The following FOXP1 variants were observed in gnomAD, a reference collection of about 807,000 sequenced individuals.
FOXP1 encodes forkhead box protein P1.
A neutral mutation model predicts 98.2 loss-of-function variants in FOXP1; 15 were observed. That is an observed-to-expected ratio of 0.15 (90% CI 0.10 to 0.24). FOXP1 has a LOEUF of 0.24. Ranked by LOEUF, FOXP1 falls within the 10% of genes least tolerant of loss-of-function variation. The probability of loss-of-function intolerance (pLI) is 1.00; values close to 1 mark genes in which losing one functional copy is unlikely to be tolerated. For missense variants in FOXP1, 633 were observed against 848.5 expected (o/e 0.75, Z 3.15); for synonymous variants, 371 against 314.5 (o/e 1.18, Z -1.90).
chr3:71,309,061 A>G (rs1018947742), intron 4 of FOXP1, among the ~76,000 whole-genome samples: 1 of 152,142 alleles, frequency 6.6e-6, no homozygotes, highest in Non-Finnish European at 1.5e-5. Flanking sequence ...CTTGCTGATA[A>G]AACACAAGAG....
At chr3:71,291,463 C>T (rs1292664973) in intron 5 of FOXP1, among the ~76,000 whole-genome samples, 1 of 152,156 alleles carries the variant, frequency 6.6e-6, no homozygotes, top group African/African-American at 2.4e-5. Flanking sequence ...TGTTCAGCAG[C>T]TCCAGGTAGC....
chr3:71,572,835 C>T (rs2047440316), intron 2 of FOXP1: 1 of 152,142 alleles, frequency 6.6e-6, no homozygotes, highest in African/African-American at 2.4e-5. Context: ...TTGTGCCTTA[C>T]ATATTTCACA....
At chr3:71,483,949 C>T (rs1473551632) in intron 3 of FOXP1, among the ~76,000 whole-genome samples, 2 of 152,120 alleles carry the variant, frequency 1.3e-5, no homozygotes, top group African/African-American at 2.4e-5. Flanking sequence ...ACCGGGGCAA[C>T]GACTAGAAGC....
intron 6 of FOXP1, among the ~76,000 whole-genome samples, chr3:71,173,108 T>G (rs1381149236): frequency 6.6e-6 from 1 of 152,190 alleles, no homozygotes; most frequent in Non-Finnish European, 1.5e-5. Flanking sequence ...CTTGAGAGAT[T>G]GCTTTTTTTT....
At chr3:71,507,642 A>G (rs1344795214) in intron 2 of FOXP1, among the ~76,000 whole-genome samples, 1 of 151,948 alleles carries the variant, frequency 6.6e-6, no homozygotes, top group Non-Finnish European at 1.5e-5. Flanking sequence ...CAGTGGCACA[A>G]CCTCGGCTCA....
intron 7 of FOXP1, among the ~76,000 whole-genome samples, chr3:71,066,107 AAAAAG>A (rs1277585593): frequency 2.6e-5 from 4 of 151,902 alleles, no homozygotes; most frequent in Admixed American, 2.0e-4. Context: ...AAAAAAAAAA[AAAAAG>A]GCAACAAAAT....
intron 4 of FOXP1, among the ~76,000 whole-genome samples, chr3:71,337,732 C>G (rs1453548317): frequency 6.6e-6 from 1 of 152,200 alleles, no homozygotes; most frequent in Non-Finnish European, 1.5e-5. Flanking sequence ...CAAAAACTTT[C>G]ATCTCAAGGA....
At chr3:71,359,403 C>A (rs2078394567) in intron 3 of FOXP1, among the ~76,000 whole-genome samples, 159 bp from the exon 4 acceptor site, 1 of 152,138 alleles carries the variant, frequency 6.6e-6, no homozygotes, top group Non-Finnish European at 1.5e-5. Context: ...CCTTTGCCTT[C>A]TAGAATCAGC....
At chr3:71,535,180 T>A (rs2044189124) in intron 2 of FOXP1, among the ~76,000 whole-genome samples, 1 of 152,176 alleles carries the variant, frequency 6.6e-6, no homozygotes. Context: ...ACAAACCAGG[T>A]GCATCTGGCC....
At chr3:71,347,889 A>C (rs1362411109) in intron 4 of FOXP1, among the ~76,000 whole-genome samples, 2 of 150,878 alleles carry the variant, frequency 1.3e-5, no homozygotes, top group Non-Finnish European at 3.0e-5. Flanking sequence ...TGTCTCACAA[A>C]AAAAAAAAAC....
intron 5 of FOXP1, among the ~76,000 whole-genome samples, chr3:71,248,690 G>A (rs924181718): frequency 1.3e-5 from 2 of 150,880 alleles, no homozygotes; most frequent in Admixed American, 6.6e-5. Flanking sequence ...GCAGTGAGCC[G>A]AGATTGCACC....
intron 5 of FOXP1, among the ~76,000 whole-genome samples, chr3:71,201,481 C>A (rs537542625): frequency 6.6e-6 from 1 of 151,980 alleles, no homozygotes; most frequent in Non-Finnish European, 1.5e-5. Flanking sequence ...CTGCTCTCTA[C>A]TAAAAATACA....
At chr3:71,004,820 T>G (rs919454543) in intron 12 of FOXP1, among the ~76,000 whole-genome samples, 1 of 152,158 alleles carries the variant, frequency 6.6e-6, no homozygotes, top group Admixed American at 6.6e-5. Context: ...TATTTTCTTT[T>G]GGTCACACTG....
intron 2 of FOXP1, among the ~76,000 whole-genome samples, chr3:71,505,732 G>A (rs974087125): frequency 6.6e-6 from 1 of 152,116 alleles, no homozygotes; most frequent in Non-Finnish European, 1.5e-5. Context: ...GCCCTGAAGA[G>A]GGATGCTTTC....
At chr3:71,516,302 G>C (rs1386358587) in intron 2 of FOXP1, among the ~76,000 whole-genome samples, 1 of 152,174 alleles carries the variant, frequency 6.6e-6, no homozygotes, top group Non-Finnish European at 1.5e-5. Context: ...GTGCACACGT[G>C]TGTGTATCTG....
At chr3:71,030,728 T>C (rs540134733) in intron 11 of FOXP1, among the ~76,000 whole-genome samples, 265 of 152,308 alleles carry the variant, frequency 1.7e-3, no homozygotes, top group Non-Finnish European at 3.4e-3. Flanking sequence ...CCTTGTTGAG[T>C]TTCTTTTTAT....
intron 2 of FOXP1, among the ~76,000 whole-genome samples, chr3:71,555,766 T>C (rs2046081896): frequency 6.6e-6 from 1 of 152,208 alleles, no homozygotes; most frequent in South Asian, 2.1e-4. Flanking sequence ...TAGCGTATAC[T>C]ACAGCTTTTA....
chr3:70,958,222 A>T lies in FOXP1; in HGVS notation c.*1025T>A, dbSNP rs1173552861. 2.1e-6 allele frequency: 1 copy of T among 479,388 alleles called. No individual in the cohort carries two copies. The highest frequency in any genetic ancestry group is 2.0e-5 in the African/African-American group (1 of 50,312). The allele number at this position is 479,388 out of a possible 1,614,324, so 29.7% of individuals were successfully genotyped here. On this transcript the variant is annotated 3_prime_UTR_variant, in exon 21 of 21. Coordinates refer to ENST00000649528, the MANE Select transcript of FOXP1 (RefSeq NM_001349338.3). ...AAAAAAAAAAAAAGAAAAGAAAAGAAAAAAAGAAAATCCGAAACACCCCTC... is the reference window on the plus strand; with the variant it reads ...AAAAAAAAAAAAAGAAAAGAAAAGATAAAAAGAAAATCCGAAACACCCCTC...
At chr3:71,007,472 T>G (rs1439084955) in intron 12 of FOXP1, among the ~76,000 whole-genome samples, 2 of 152,182 alleles carry the variant, frequency 1.3e-5, no homozygotes, top group Non-Finnish European at 2.9e-5. Context: ...TGTATTAGCA[T>G]ATACCTGGTT....
Sources: allele counts gnomAD v4.1 joint callset (sites outside exome capture counted in the v4.1 genomes callset), GRCh38; gene constraint gnomAD v4.1.1; transcripts MANE v1.5; gene names NCBI Gene and HGNC (gene_info 2026-07-23, HGNC 2026-07-21).